Variants in FOXP2 observed in about 807,000 individuals in gnomAD.
FOXP2 encodes forkhead box protein P2.
FOXP2 carries 12 observed loss-of-function variants against 115.8 expected under a neutral mutation model. That is an observed-to-expected ratio of 0.10 (90% CI 0.07 to 0.17). The LOEUF (loss-of-function observed/expected upper bound fraction) is 0.17. Ranked by LOEUF, FOXP2 falls within the 10% of genes least tolerant of loss-of-function variation. The probability of loss-of-function intolerance (pLI) is 1.00; values close to 1 mark genes in which losing one functional copy is unlikely to be tolerated. For synonymous variants in FOXP2, 328 were observed against 297.7 expected (o/e 1.10, Z -1.05); for missense variants, 629 against 843.5 (o/e 0.75, Z 3.15).
chr7:114,555,079 C>G (rs1800393532), intron 3 of FOXP2, among the ~76,000 whole-genome samples: 1 of 152,102 alleles, frequency 6.6e-6, no homozygotes, highest in Non-Finnish European at 1.5e-5. Flanking sequence ...GTTCCCATTA[C>G]TTTTTTAATA....
At chr7:114,156,153 G>A (rs184465229) in intron 1 of FOXP2, among the ~76,000 whole-genome samples, 1 of 152,190 alleles carries the variant, frequency 6.6e-6, no homozygotes, top group African/African-American at 2.4e-5. Context: ...TTATCCAGAA[G>A]CTGCTGATCA....
chr7:114,365,922 A>G (rs1791868876), intron 2 of FOXP2, among the ~76,000 whole-genome samples: 1 of 152,150 alleles, frequency 6.6e-6, no homozygotes, highest in African/African-American at 2.4e-5. Flanking sequence ...GGAATGTGCT[A>G]CTAATCATTT....
chr7:114,458,195 A>G (rs1021917267), intron 2 of FOXP2, among the ~76,000 whole-genome samples: 8 of 152,294 alleles, frequency 5.3e-5, no homozygotes, highest in Non-Finnish European at 1.2e-4. Flanking sequence ...AAGTAATTTG[A>G]TACTAAGAAA....
intron 16 of FOXP2, among the ~76,000 whole-genome samples, chr7:114,671,696 T>C (rs1807493801): frequency 6.6e-6 from 1 of 152,158 alleles, no homozygotes; most frequent in African/African-American, 2.4e-5. Flanking sequence ...AAAATGAAGA[T>C]CTTATGTACT....
intron 1 of FOXP2, among the ~76,000 whole-genome samples, chr7:114,206,062 G>A (rs1005842785): frequency 3.3e-5 from 5 of 152,088 alleles, no homozygotes; most frequent in Non-Finnish European, 5.9e-5. Flanking sequence ...CCATAAAAAG[G>A]CTATCCCAGT....
chr7:114,432,440 T>G (rs1161471598), intron 2 of FOXP2, among the ~76,000 whole-genome samples: 1 of 152,008 alleles, frequency 6.6e-6, no homozygotes, highest in Non-Finnish European at 1.5e-5. Context: ...CTTATTCAAA[T>G]GACCTCATTA....
At chr7:114,418,310 G>A (rs1013183663) in intron 1 of FOXP2, among the ~76,000 whole-genome samples, 1 of 151,856 alleles carries the variant, frequency 6.6e-6, no homozygotes, top group Non-Finnish European at 1.5e-5. Flanking sequence ...CTGGTGAGAG[G>A]GAATGACAAC....
intron 1 of FOXP2, among the ~76,000 whole-genome samples, chr7:114,273,152 A>G (rs949389033): frequency 6.6e-5 from 10 of 151,854 alleles, no homozygotes; most frequent in African/African-American, 2.4e-4. Flanking sequence ...CATTTTCTCT[A>G]TGTTCAGAAT....
At chr7:114,250,328 G>T (rs963120136) in intron 1 of FOXP2, among the ~76,000 whole-genome samples, 3 of 152,152 alleles carry the variant, frequency 2.0e-5, no homozygotes, top group Non-Finnish European at 4.4e-5. Flanking sequence ...GGATGGCTGG[G>T]TCAAATGGCA....
chr7:114,374,983 G>A (rs558015575), intron 2 of FOXP2, among the ~76,000 whole-genome samples: 87 of 152,136 alleles, frequency 5.7e-4, no homozygotes, highest in African/African-American at 2.1e-3. Context: ...AAGGGTGGGG[G>A]CGGTCCAGGC....
intron 2 of FOXP2, among the ~76,000 whole-genome samples, chr7:114,330,052 T>G (rs186838386): frequency 6.6e-6 from 1 of 152,292 alleles, no homozygotes; most frequent in Non-Finnish European, 1.5e-5. Context: ...TAATTTAGAT[T>G]TATATAATTT....
At position 114,311,621 on chromosome 7, in the gene FOXP2, G is replaced by T. The variant is rs113158406; in HGVS notation, c.-11+23512G>T. The stretch of plus-strand genomic sequence containing the variant: ...ACTCAAACCAAGGTTTCTTATGTGT[G>T]CTTGAGTTGGGGGCCAGAGTGACAA... On this transcript the variant is annotated intron_variant, in intron 2 of 17. Transcript: ENST00000634411. Among the ~76,000 whole-genome samples, 221 of 152,240 alleles carry T rather than the reference G, an allele frequency of 1.5e-3. 1 individual carries two copies. Among genetic ancestry groups the T allele is most frequent in the African/African-American group, 5.0e-3 (206 of 41,536 alleles).
At chr7:114,357,100 G>A (rs1314594681) in intron 2 of FOXP2, among the ~76,000 whole-genome samples, 1 of 152,050 alleles carries the variant, frequency 6.6e-6, no homozygotes, top group Non-Finnish European at 1.5e-5. Flanking sequence ...GATTAACTCT[G>A]TAAGTAAATG....
intron 2 of FOXP2, among the ~76,000 whole-genome samples, chr7:114,446,074 A>G (rs975372270): frequency 3.2e-5 from 4 of 125,454 alleles, no homozygotes; most frequent in African/African-American, 1.1e-4. Context: ...AAAAGATATC[A>G]TAAGTCTGAT....
intron 16 of FOXP2, among the ~76,000 whole-genome samples, chr7:114,682,687 A>G (rs1182958453): frequency 6.6e-6 from 1 of 152,148 alleles, no homozygotes; most frequent in Admixed American, 6.5e-5. Flanking sequence ...GCCAATGGTC[A>G]CAAGAAGAGA....
chr7:114,426,133 G>A (rs1428688192), intron 1 of FOXP2, among the ~76,000 whole-genome samples: 1 of 151,574 alleles, frequency 6.6e-6, no homozygotes, highest in African/African-American at 2.4e-5. Flanking sequence ...AGTCATCCAT[G>A]GTTGTCAAAG....
intron 3 of FOXP2, among the ~76,000 whole-genome samples, chr7:114,620,400 G>C (rs556517952): frequency 1.3e-4 from 20 of 152,014 alleles, no homozygotes; most frequent in Non-Finnish European, 2.6e-4. Flanking sequence ...CTTGTAGTGG[G>C]AAACCTTTCA....
At chr7:114,408,188 G>A (rs552504625) in intron 2 of FOXP2, among the ~76,000 whole-genome samples, 1 of 152,046 alleles carries the variant, frequency 6.6e-6, no homozygotes, top group East Asian at 1.9e-4. Flanking sequence ...GTCATAAAAA[G>A]ACATCAGAAG....
Position 114,409,150 on chromosome 7 carries a change from C to G in FOXP2, c.-10-17352C>G, listed in dbSNP as rs190267223. On this transcript the variant is annotated intron_variant, in intron 2 of 17. Transcript: ENST00000634411. ...TTGGTTTAGATCAACACTTTTTAGT[C>G]TTTTTGGCAAATAATATTGCCTTAA... Among the ~76,000 whole-genome samples the G allele has an allele frequency of 4.6e-3, 700 of 152,110 alleles. 3 individuals carry two copies. Among genetic ancestry groups the G allele is most frequent in the South Asian group, 0.018 (88 of 4,828 alleles).
Sources: allele counts gnomAD v4.1 joint callset (sites outside exome capture counted in the v4.1 genomes callset), GRCh38; gene constraint gnomAD v4.1.1; transcripts MANE v1.5; gene names NCBI Gene and HGNC (gene_info 2026-07-23, HGNC 2026-07-21).